The following OSBPL3 variants were observed in gnomAD, a reference collection of about 807,000 sequenced individuals.
OSBPL3 encodes oxysterol binding protein like 3, also known as oxysterol-binding protein-related protein 3.
A neutral mutation model predicts 120.1 loss-of-function variants in OSBPL3; 65 were observed. That is an observed-to-expected ratio of 0.54 (90% confidence interval 0.44 to 0.67). OSBPL3 has a LOEUF of 0.67. Ranked by LOEUF, OSBPL3 falls within the 30% of genes least tolerant of loss-of-function variation. The pLI, the probability that OSBPL3 is intolerant of heterozygous loss-of-function variation, is 0.00. For missense variants in OSBPL3, 1,004 were observed against 1,082.1 expected (o/e 0.93, Z 1.01); for synonymous variants, 416 against 402.6 (o/e 1.03, Z -0.40).
intron 2 of OSBPL3, among the ~76,000 whole-genome samples, chr7:24,889,472 T>TG (rs984959376): frequency 6.6e-6 from 1 of 151,992 alleles, no homozygotes; most frequent in Non-Finnish European, 1.5e-5. Context: ...CAAATAACTA[T>TG]GGGGGGTGAT....
chr7:24,975,435 TCAAAA>T (rs1432736889), intron 1 of OSBPL3, among the ~76,000 whole-genome samples: 2 of 152,194 alleles, frequency 1.3e-5, no homozygotes, highest in East Asian at 3.8e-4. Context: ...ATACTGTGGA[TCAAAA>T]CAAATCAGAA....
At chr7:24,908,961 TG>T (rs1808359947) in intron 1 of OSBPL3, among the ~76,000 whole-genome samples, 5 of 152,378 alleles carry the variant, frequency 3.3e-5, no homozygotes, top group Admixed American at 2.6e-4. Flanking sequence ...CTATCTGTGC[TG>T]TAGTTACTTT....
At position 24,873,249 on chromosome 7, in the gene OSBPL3, T is replaced by C. The variant is rs548528934; in HGVS notation, c.97-1180A>G. 6.6e-6 allele frequency among the ~76,000 whole-genome samples: 1 copy of C among 152,238 alleles called. No homozygotes were observed. Among genetic ancestry groups the C allele is most frequent in the South Asian group, 2.1e-4 (1 of 4,820 alleles). The stretch of plus-strand genomic sequence containing the variant: ...ACCAGCACCAGGGAGCAGGAGGCAG[T>C]TAGATTCAAGTCCTGGGACACAAGT... On this transcript the variant is annotated intron_variant, in intron 2 of 22. Transcript: ENST00000313367. This position sits in a 1 kb window ranked among gnomAD's most constrained non-coding sequence, Gnocchi z 4.1.
At chr7:24,929,819 T>G (rs377671933) in intron 1 of OSBPL3, among the ~76,000 whole-genome samples, 15 of 152,374 alleles carry the variant, frequency 9.8e-5, no homozygotes, top group Admixed American at 5.9e-4. Flanking sequence ...TCCTTGGTCA[T>G]GTATGTTTTG....
In OSBPL3 at chr7:24,813,145, C is replaced by A. The variant is rs867130670; in HGVS notation, c.2172+1914G>T. ...CCTCCTGCTTCAGCCTCCCAAAGTG[C>A]TGGGATTACAGGTGTGAGCCATGGC... On this transcript the variant is annotated intron_variant, in intron 19 of 22. Coordinates refer to ENST00000313367, the MANE Select transcript of OSBPL3 (RefSeq NM_015550.4). This position sits in a 1 kb window ranked among gnomAD's most constrained non-coding sequence, Gnocchi z 4.5. 1.3e-5 allele frequency among the ~76,000 whole-genome samples: 2 copies of A among 152,280 alleles called. No homozygotes were observed. The highest frequency in any genetic ancestry group is 4.8e-5 in the African/African-American group (2 of 41,572).
chr7:24,840,440 T>A (rs528476094), intron 14 of OSBPL3, among the ~76,000 whole-genome samples: 88 of 152,296 alleles, frequency 5.8e-4, no homozygotes, highest in South Asian at 1.3e-3. Context: ...ATGATTTTTT[T>A]AATAAAATTT....
In OSBPL3 at chr7:24,817,935, G is replaced by A. The variant is rs1794667509; in HGVS notation, c.1949-1247C>T. Among the ~76,000 whole-genome samples, 1 of 152,202 alleles carries A rather than the reference G, an allele frequency of 6.6e-6. No individual in the cohort carries two copies. The highest frequency in any genetic ancestry group is 1.5e-5 in the Non-Finnish European group (1 of 68,042). ...CCAGGAAATAGAAAAAGAACAGCAAGAGGATCCCATCTGGCTGCTGCACTG... is the reference window on the plus strand; with the variant it reads ...CCAGGAAATAGAAAAAGAACAGCAAAAGGATCCCATCTGGCTGCTGCACTG... On this transcript the variant is annotated intron_variant, in intron 17 of 22. Coordinates refer to ENST00000313367, the MANE Select transcript of OSBPL3 (RefSeq NM_015550.4). This position sits in a 1 kb window ranked among gnomAD's most constrained non-coding sequence, Gnocchi z 4.0.
intron 12 of OSBPL3, among the ~76,000 whole-genome samples, chr7:24,848,257 T>G (rs1223988541): frequency 6.6e-6 from 1 of 152,222 alleles, no homozygotes; most frequent in African/African-American, 2.4e-5. Context: ...TACAAACTTC[T>G]TTTAAAAACT....
rs994955014 is a variant in OSBPL3, at chr7:24,938,986, G to C, written c.-150+40900C>G. Reference sequence around the variant, plus strand: ...CAAGAACAAATGAAACAGAGTGCAAGGGGTAGGAATCAGTGTAGAAATAAA... The same window carrying C: ...CAAGAACAAATGAAACAGAGTGCAACGGGTAGGAATCAGTGTAGAAATAAA... On this transcript the variant is annotated intron_variant, in intron 1 of 22. Transcript: ENST00000313367. This position sits in a 1 kb window ranked among gnomAD's most constrained non-coding sequence, Gnocchi z 5.8. Among the ~76,000 whole-genome samples, 1 of 152,066 alleles carries C rather than the reference G, an allele frequency of 6.6e-6. No homozygotes were observed. The highest frequency in any genetic ancestry group is 1.5e-5 in the Non-Finnish European group (1 of 68,012).
In OSBPL3 at chr7:24,821,577, C is replaced by A. The variant is rs533230856; in HGVS notation, c.1885-1339G>T. On this transcript the variant is annotated intron_variant, in intron 16 of 22. Transcript: ENST00000313367. This position sits in a 1 kb window ranked among gnomAD's most constrained non-coding sequence, Gnocchi z 5.5. ...ACGGCTGGGAGGATGTGGTCACACA[C>A]GCCACACCCAGATGTGACTCATGGG... is the stretch of plus-strand genomic sequence containing the variant. Among the ~76,000 whole-genome samples the A allele has an allele frequency of 5.3e-5, 8 of 152,260 alleles. No individual in the cohort carries two copies. The highest frequency in any genetic ancestry group is 1.9e-4 in the African/African-American group (8 of 41,526).
chr7:24,978,062 G>A (rs1283294970), intron 1 of OSBPL3, among the ~76,000 whole-genome samples: 1 of 152,224 alleles, frequency 6.6e-6, no homozygotes, highest in Non-Finnish European at 1.5e-5. Context: ...AAGAGGTCAA[G>A]CACAATAGAG....
intron 1 of OSBPL3, among the ~76,000 whole-genome samples, chr7:24,905,021 C>T (rs1242413686): frequency 3.3e-5 from 5 of 150,884 alleles, no homozygotes; most frequent in African/African-American, 1.2e-4. Context: ...GAGTGTTGCA[C>T]AACCATGCTG....
At chr7:24,926,824 T>A (rs914409878) in intron 1 of OSBPL3, among the ~76,000 whole-genome samples, 18 of 152,220 alleles carry the variant, frequency 1.2e-4, no homozygotes, top group Admixed American at 3.9e-4. Flanking sequence ...GTCTCTATGA[T>A]TCCTATATCC....
rs1399393865 is a variant in OSBPL3, at chr7:24,854,489, TACACACACACACGCAC to T, written c.1028-1871_1028-1856del. Among the ~76,000 whole-genome samples, 49 of 127,498 alleles carry T rather than the reference TACACACACACACGCAC, an allele frequency of 3.8e-4. No homozygotes were observed. Among genetic ancestry groups the T allele is most frequent in the African/African-American group, 1.1e-3 (35 of 31,276 alleles). 83.6% of individuals were successfully genotyped at this position (127,498 alleles called of 152,430 possible). On this transcript the variant is annotated intron_variant, in intron 10 of 22. Coordinates refer to ENST00000313367, the MANE Select transcript of OSBPL3 (RefSeq NM_015550.4). This position sits in a 1 kb window ranked among gnomAD's most constrained non-coding sequence, Gnocchi z 4.1. ...ATCTTAACAAAGTCACAACAATTTG[TACACACACACACGCAC>T]ACACACACACACACACACACACACA...
chr7:24,836,028 T>A (rs1232565350), intron 14 of OSBPL3, among the ~76,000 whole-genome samples: 14 of 152,084 alleles, frequency 9.2e-5, no homozygotes, highest in Admixed American at 9.2e-4. Context: ...GACATGCAAT[T>A]TACCTATAGA....
chr7:24,823,360 T>G (rs980175857), intron 16 of OSBPL3, among the ~76,000 whole-genome samples: 2 of 152,106 alleles, frequency 1.3e-5, no homozygotes, highest in African/African-American at 4.8e-5. Context: ...ATTTAAAAAA[T>G]CAAAATATAG....
chr7:24,897,412 G>A (rs1415062974), intron 1 of OSBPL3, among the ~76,000 whole-genome samples: 7 of 135,256 alleles, frequency 5.2e-5, no homozygotes, highest in Admixed American at 3.3e-4. Context: ...TGCAAGCTCC[G>A]CCTCCCGGGT....
Position 24,819,325 on chromosome 7 carries a change from A to G in OSBPL3, c.1948+850T>C, listed in dbSNP as rs367788258. On this transcript the variant is annotated intron_variant, in intron 17 of 22. Transcript: ENST00000313367. This position sits in a 1 kb window ranked among gnomAD's most constrained non-coding sequence, Gnocchi z 4.1. ...CTTATAGCATGAGTGAGATTTACCA[A>G]TTAGGAGGCTAGGAACCTTATGAGA... Among the ~76,000 whole-genome samples, 2 of 152,290 alleles carry G rather than the reference A, an allele frequency of 1.3e-5. No homozygotes were observed. The highest frequency in any genetic ancestry group is 3.9e-4 in the East Asian group (2 of 5,186).
chr7:24,949,334 T>C (rs543077267), intron 1 of OSBPL3, among the ~76,000 whole-genome samples: 98 of 152,322 alleles, frequency 6.4e-4, no homozygotes, highest in African/African-American at 2.2e-3. Context: ...ATCTCTGACA[T>C]TGGGTGTGTC....
Sources: gnomAD v4.1 joint callset for allele counts (sites outside exome capture counted in the v4.1 genomes callset) on GRCh38, gnomAD v4.1.1 for gene constraint, Gnocchi (gnomAD v3.1) non-coding constraint, MANE v1.5 for transcripts, NCBI Gene and HGNC (gene_info 2026-07-23, HGNC 2026-07-21) for gene names.